The following GSE1 variants were observed in gnomAD, a reference collection of about 807,000 sequenced individuals.
GSE1 encodes Gse1 coiled-coil protein, also known as genetic suppressor element 1.
Under a neutral mutation model 112.6 loss-of-function variants are expected in GSE1, and 32 were observed. That is an observed-to-expected ratio of 0.28 (90% confidence interval 0.21 to 0.38). The LOEUF (loss-of-function observed/expected upper bound fraction) is 0.38. Among genes scored for constraint, GSE1 ranks in the 10% least tolerant of loss-of-function variants. The pLI is 1.00. For synonymous variants in GSE1, 1,115 were observed against 735.6 expected, an observed-to-expected ratio of 1.52 and a Z score of -8.35; for missense variants, 2,348 against 1,699.2, an observed-to-expected ratio of 1.38 and a Z score of -6.71.
chr16:85,449,046 T>A (rs534562553), intron 2 of GSE1, among the ~76,000 whole-genome samples: 1 of 152,092 alleles, frequency 6.6e-6, no homozygotes, highest in African/African-American at 2.4e-5. Context: ...CAAAGGCAGG[T>A]GGCCGGGCGC....
chr16:85,654,887 C>G lies in GSE1; in HGVS notation c.693C>G (p.Leu231=). The change falls in exon 5 of 16, where the codon CTC becomes CTG. Residue 231 remains leucine (L), a synonymous_variant. Coordinates refer to ENST00000253458, the MANE Select transcript of GSE1 (RefSeq NM_014615.5). ...GGCCCTACCACACCACCGACGACCT[C>G]CGCATGTCCTCACTGCCTCCCCTCG... The part of the protein sequence containing the change: ...SFRPYHTTDD[L]RMSSLPPLGL... The G allele has an allele frequency of 6.2e-7, 1 of 1,611,540 alleles. No homozygotes were observed. Among genetic ancestry groups the G allele is most frequent in the Non-Finnish European group, 8.5e-7 (1 of 1,179,126 alleles).
At chr16:85,663,227 C>T (rs2052575853) in intron 10 of GSE1, 117 bp from the exon 11 acceptor site, 5 of 1,341,190 alleles carry the variant, frequency 3.7e-6, no homozygotes, top group Admixed American at 3.6e-5. Flanking sequence ...GCTCTTCTCC[C>T]ACCAGGCGCA....
chr16:85,417,344 C>T (rs759142470), intron 2 of GSE1, among the ~76,000 whole-genome samples: 5 of 152,184 alleles, frequency 3.3e-5, no homozygotes, highest in Non-Finnish European at 5.9e-5. Flanking sequence ...GGCAACATCA[C>T]CCCCGGCTGA....
At chr16:85,187,954 C>CA (rs770326561) in intron 1 of GSE1, among the ~76,000 whole-genome samples, 3 of 152,366 alleles carry the variant, frequency 2.0e-5, no homozygotes. Context: ...TCCCTTCCCC[C>CA]ACCTGGACCA....
chr16:85,219,906 G>C (rs2075363425), intron 1 of GSE1, among the ~76,000 whole-genome samples: 1 of 152,218 alleles, frequency 6.6e-6, no homozygotes, highest in South Asian at 2.1e-4. Context: ...TGGCCCTGCA[G>C]GTGACAGGAC....
intron 2 of GSE1, among the ~76,000 whole-genome samples, chr16:85,380,810 G>T (rs369564111): frequency 6.6e-6 from 1 of 152,170 alleles, no homozygotes; most frequent in Non-Finnish European, 1.5e-5. Flanking sequence ...AGGGAGTGTC[G>T]CCCTGCCAAG....
chr16:85,556,840 C>T (rs1235797752), intron 1 of GSE1, among the ~76,000 whole-genome samples: 1 of 150,048 alleles, frequency 6.7e-6, no homozygotes, highest in Non-Finnish European at 1.5e-5. Flanking sequence ...TCGCCGGCCC[C>T]CCCGCCGCCC....
intron 2 of GSE1, among the ~76,000 whole-genome samples, chr16:85,488,514 CT>C (rs1399597840): frequency 6.6e-6 from 1 of 151,778 alleles, no homozygotes; most frequent in African/African-American, 2.4e-5. Context: ...TCCAAGCTCC[CT>C]GTTCCTGCCA....
chr16:85,295,476 G>A (rs999917601), intron 1 of GSE1, among the ~76,000 whole-genome samples: 14 of 152,378 alleles, frequency 9.2e-5, no homozygotes, highest in African/African-American at 2.9e-4. Flanking sequence ...GCCGATGGCC[G>A]TTTGGGCTGT....
At chr16:85,320,330 G>A (rs146235198) in intron 1 of GSE1, among the ~76,000 whole-genome samples, 186 of 152,338 alleles carry the variant, frequency 1.2e-3, no homozygotes, top group Non-Finnish European at 2.1e-3. Context: ...CACCAGGCCC[G>A]TTTGCCTCCT....
Position 85,613,375 on chromosome 16 carries a change from A to T in GSE1, c.-17A>T. On this transcript the variant is annotated 5_prime_UTR_variant, in exon 1 of 16. Transcript: ENST00000253458. ...CTCCAGCATGTATCAGCCGAGGTGG[A>T]GCTGCGGGGCCCTGGCATGAAAGGT... 6.4e-7 allele frequency: 1 copy of T among 1,569,194 alleles called. No homozygotes were observed. The highest frequency in any genetic ancestry group is 8.6e-7 in the Non-Finnish European group (1 of 1,158,188).
chr16:85,505,072 A>G (rs1290813050), intron 2 of GSE1, among the ~76,000 whole-genome samples: 1 of 152,024 alleles, frequency 6.6e-6, no homozygotes, highest in Admixed American at 6.6e-5. Flanking sequence ...ACTTAGGCCA[A>G]ATTTGCCTTC....
At chr16:85,534,329 C>T (rs1357156813) in intron 2 of GSE1, among the ~76,000 whole-genome samples, 2 of 152,044 alleles carry the variant, frequency 1.3e-5, no homozygotes, top group East Asian at 1.9e-4. Flanking sequence ...ACCATGTTGG[C>T]CAGGCTGGTC....
At chr16:85,590,036 G>A (rs1481691806) in intron 1 of GSE1, among the ~76,000 whole-genome samples, 1 of 151,774 alleles carries the variant, frequency 6.6e-6, no homozygotes, top group African/African-American at 2.4e-5. Context: ...AGACGTGAGT[G>A]TGAATGTGTG....
intron 2 of GSE1, among the ~76,000 whole-genome samples, chr16:85,518,142 CG>C (rs1370769418): frequency 1.3e-5 from 2 of 152,236 alleles, no homozygotes; most frequent in Non-Finnish European, 2.9e-5. Flanking sequence ...GCTGCTGCCA[CG>C]GCCCCGCCAT....
At chr16:85,368,283 G>A (rs2047227299) in intron 2 of GSE1, among the ~76,000 whole-genome samples, 1 of 152,182 alleles carries the variant, frequency 6.6e-6, no homozygotes, top group Non-Finnish European at 1.5e-5. Flanking sequence ...TCAACCATCT[G>A]GCCTCTCTGG....
At chr16:85,478,727 G>A (rs950184898) in intron 2 of GSE1, among the ~76,000 whole-genome samples, 1 of 149,266 alleles carries the variant, frequency 6.7e-6, no homozygotes, top group African/African-American at 2.5e-5. Flanking sequence ...GAGTGCAGTG[G>A]CTCCATCTCA....
intron 2 of GSE1, among the ~76,000 whole-genome samples, chr16:85,367,864 T>TTTC (rs398030074): frequency 6.6e-5 from 10 of 150,856 alleles, no homozygotes; most frequent in East Asian, 5.9e-4. Flanking sequence ...TTTTTTTTTT[T>TTTC]CCGAGATGGA....
chr16:85,471,940 C>T (rs1222098492), intron 2 of GSE1, among the ~76,000 whole-genome samples: 6 of 152,236 alleles, frequency 3.9e-5, no homozygotes, highest in Non-Finnish European at 8.8e-5. Context: ...TGGGGGAAAT[C>T]TGATGAGTGT....
Sources: allele counts gnomAD v4.1 joint callset (sites outside exome capture counted in the v4.1 genomes callset), GRCh38; gene constraint gnomAD v4.1.1; transcripts MANE v1.5; gene names NCBI Gene and HGNC (gene_info 2026-07-23, HGNC 2026-07-21).